The following VEPH1 variants were observed in gnomAD, a reference collection of about 807,000 sequenced individuals.
VEPH1 encodes the protein ventricular zone-expressed PH domain-containing protein homolog 1.
A neutral mutation model predicts 85.2 loss-of-function variants in VEPH1; 80 were observed. The observed-to-expected ratio is 0.94, with a 90% CI of 0.78 to 1.13. The LOEUF is 1.13. Among genes scored for constraint, VEPH1 ranks in the 50% most tolerant of loss-of-function variants. VEPH1 has a pLI of 0.00. For synonymous variants in VEPH1, 297 were observed against 348.0 expected (o/e 0.85, Z 1.63); for missense variants, 955 against 980.5 (o/e 0.97, Z 0.35).
intron 2 of VEPH1, among the ~76,000 whole-genome samples, chr3:157,483,466 A>T (rs1738323189): frequency 6.6e-6 from 1 of 152,228 alleles, no homozygotes; most frequent in Non-Finnish European, 1.5e-5. Flanking sequence ...ATTTCAGGTA[A>T]GAAATTATTG....
intron 4 of VEPH1, among the ~76,000 whole-genome samples, chr3:157,441,570 G>A (rs1301103263): frequency 6.6e-6 from 1 of 152,140 alleles, no homozygotes; most frequent in East Asian, 1.9e-4. Context: ...AGCATTTTGG[G>A]AGGCTGAGGC....
intron 6 of VEPH1, among the ~76,000 whole-genome samples, chr3:157,383,237 A>G (rs912578181): frequency 1.3e-5 from 2 of 152,226 alleles, no homozygotes; most frequent in Non-Finnish European, 2.9e-5. Flanking sequence ...TAGACTCTAG[A>G]TAACAAAGGT....
Position 157,339,729 on chromosome 3 carries a change from G to A in VEPH1, c.1736-22528C>T, listed in dbSNP as rs115738487. Reference sequence around the variant, plus strand: ...TTTCAGGCTTCTGCTCAAGAAGGTCGGGTGGCGAGGTTGTAGAATTTATAT... The same window carrying A: ...TTTCAGGCTTCTGCTCAAGAAGGTCAGGTGGCGAGGTTGTAGAATTTATAT... On this transcript the variant is annotated intron_variant, in intron 9 of 13. Transcript: ENST00000362010. 7.0e-3 allele frequency among the ~76,000 whole-genome samples: 1,061 copies of A among 152,246 alleles called. 19 individuals carry two copies. Among genetic ancestry groups the A allele is most frequent in the African/African-American group, 0.024 (993 of 41,532 alleles).
intron 6 of VEPH1, 35 bp downstream of exon 6, chr3:157,413,846 A>G: frequency 6.2e-7 from 1 of 1,605,312 alleles, no homozygotes; most frequent in African/African-American, 1.3e-5. Flanking sequence ...TGCCAGTGCA[A>G]TTCAGGGGAA....
In VEPH1 at chr3:157,373,025, G is replaced by T. The variant is rs912961983; in HGVS notation, c.1127+8131C>A. On this transcript the variant is annotated intron_variant, in intron 7 of 13. Transcript: ENST00000362010. The stretch of plus-strand genomic sequence containing the variant: ...ATGCTACTCATTAACATTTACAGAG[G>T]GCTTTCTATGTATAGTCTTCACTGT... 3.3e-5 allele frequency among the ~76,000 whole-genome samples: 5 copies of T among 152,104 alleles called. No individual in the cohort carries two copies. The East Asian group carries it at 7.7e-4, about 23-fold the overall frequency.
chr3:157,459,488 T>A (rs183426968), intron 4 of VEPH1: 1 of 555,748 alleles, frequency 1.8e-6, no homozygotes, highest in African/African-American at 2.1e-5. Flanking sequence ...GCCTCATGCA[T>A]CTTTATTAAT....
At chr3:157,262,022 C>CAAA (rs1417926058) in intron 13 of VEPH1, among the ~76,000 whole-genome samples, 1 of 152,184 alleles carries the variant, frequency 6.6e-6, no homozygotes, top group African/African-American at 2.4e-5. Context: ...AGGTCTTTCA[C>CAAA]ATGAATACAT....
intron 2 of VEPH1, among the ~76,000 whole-genome samples, chr3:157,474,068 T>C (rs1737222863): frequency 6.6e-6 from 1 of 152,178 alleles, no homozygotes; most frequent in South Asian, 2.1e-4. Flanking sequence ...TGGTCTTATG[T>C]TTGTCAGGTT....
intron 11 of VEPH1, among the ~76,000 whole-genome samples, chr3:157,297,290 G>A (rs975542476): frequency 6.6e-6 from 1 of 152,112 alleles, no homozygotes; most frequent in African/African-American, 2.4e-5. Context: ...CTAAAATCAG[G>A]TAACATACTT....
At chr3:157,502,079 T>G (rs1740159091) in intron 1 of VEPH1, among the ~76,000 whole-genome samples, 2 of 152,208 alleles carry the variant, frequency 1.3e-5, no homozygotes. Context: ...GTTCCCTGGA[T>G]GTCTCTGGGC....
intron 13 of VEPH1, among the ~76,000 whole-genome samples, chr3:157,262,381 A>T (rs1713029642): frequency 6.6e-6 from 1 of 152,162 alleles, no homozygotes; most frequent in African/African-American, 2.4e-5. Context: ...ATAACTTTTT[A>T]AAAAGATAAC....
At chr3:157,262,067 T>C (rs964834119) in intron 13 of VEPH1, among the ~76,000 whole-genome samples, 30 of 152,184 alleles carry the variant, frequency 2.0e-4, no homozygotes, top group African/African-American at 7.2e-4. Context: ...TGGTTGAGAA[T>C]CTTGCCAATT....
intron 10 of VEPH1, among the ~76,000 whole-genome samples, chr3:157,316,783 C>T (rs576224244): frequency 6.6e-6 from 1 of 152,146 alleles, no homozygotes; most frequent in South Asian, 2.1e-4. Flanking sequence ...GCTGTTTTTG[C>T]TGTTGTTTAA....
At chr3:157,447,748 C>T (rs185049186) in intron 4 of VEPH1, among the ~76,000 whole-genome samples, 1 of 152,082 alleles carries the variant, frequency 6.6e-6, no homozygotes, top group Non-Finnish European at 1.5e-5. Context: ...GTGTGTGCCA[C>T]CACGCCTGGC....
chr3:157,478,457 T>C (rs572690807), intron 2 of VEPH1, among the ~76,000 whole-genome samples: 6 of 152,230 alleles, frequency 3.9e-5, no homozygotes, highest in African/African-American at 1.4e-4. Flanking sequence ...GCAAACAATG[T>C]CCAAATAATA....
chr3:157,477,954 A>C (rs1737645799), intron 2 of VEPH1, among the ~76,000 whole-genome samples: 1 of 152,192 alleles, frequency 6.6e-6, no homozygotes, highest in Admixed American at 6.5e-5. Context: ...TCCATATAGA[A>C]TAAATTTATT....
intron 4 of VEPH1, among the ~76,000 whole-genome samples, chr3:157,456,901 T>A (rs1219821443): frequency 6.6e-6 from 1 of 152,190 alleles, no homozygotes; most frequent in Non-Finnish European, 1.5e-5. Flanking sequence ...TTTTTCTAGT[T>A]CTGTGATGAA....
chr3:157,263,665 A>G (rs1186555421), intron 13 of VEPH1, among the ~76,000 whole-genome samples: 2 of 152,220 alleles, frequency 1.3e-5, no homozygotes, highest in Admixed American at 6.5e-5. Context: ...TGTATATGTT[A>G]TAACACACAC....
At chr3:157,294,789 TA>T (rs1559932052) in intron 11 of VEPH1, among the ~76,000 whole-genome samples, 1 of 152,136 alleles carries the variant, frequency 6.6e-6, no homozygotes, top group Non-Finnish European at 1.5e-5. Flanking sequence ...GGACCTGGGC[TA>T]AAAAAACAAG....
Sources: allele counts gnomAD v4.1 joint callset (sites outside exome capture counted in the v4.1 genomes callset), GRCh38; gene constraint gnomAD v4.1.1; transcripts MANE v1.5; gene names NCBI Gene and HGNC (gene_info 2026-07-23, HGNC 2026-07-21).